Variants in PDE1C observed in about 807,000 individuals in gnomAD.
PDE1C encodes dual specificity calcium/calmodulin-dependent 3',5'-cyclic nucleotide phosphodiesterase 1C.
Under a neutral mutation model 93.1 loss-of-function variants are expected in PDE1C, and 62 were observed. That is an observed-to-expected ratio of 0.67 (90% CI 0.54 to 0.82). PDE1C has a LOEUF of 0.82. Ranked by LOEUF, PDE1C falls within the 40% of genes least tolerant of loss-of-function variation. The pLI is 0.00. For missense variants in PDE1C, 742 were observed against 884.6 expected (o/e 0.84, Z 2.04); for synonymous variants, 325 against 310.1 (o/e 1.05, Z -0.50).
intron 10 of PDE1C, 57 bp from the exon 11 acceptor site, chr7:31,837,357 G>T: frequency 1.4e-6 from 2 of 1,461,860 alleles, no homozygotes. Flanking sequence ...ACCTCAGTAA[G>T]AGTTTTTTAA....
chr7:31,967,553 C>G (rs903268756), intron 2 of PDE1C, among the ~76,000 whole-genome samples: 1 of 152,206 alleles, frequency 6.6e-6, no homozygotes, highest in Non-Finnish European at 1.5e-5. Flanking sequence ...TGGTACCATT[C>G]CTTCTAAAAC....
At position 31,892,457 on chromosome 7, in the gene PDE1C, A is replaced by G. The variant is rs530112848; in HGVS notation, c.129-11597T>C. On this transcript the variant is annotated intron_variant, in intron 2 of 17. Coordinates refer to ENST00000396191, the MANE Select transcript of PDE1C (RefSeq NM_001191057.4). ...ACTTTACTAAAGGCTCACTAATTAC[A>G]CCTCTACTGGCAGTGATCCCCTGGG... Among the ~76,000 whole-genome samples the G allele has an allele frequency of 5.9e-5, 9 of 152,150 alleles. No homozygotes were observed. In the East Asian group the frequency reaches 1.2e-3, roughly 20 times the overall value.
intron 3 of PDE1C, among the ~76,000 whole-genome samples, chr7:32,107,599 G>T (rs1798395348): frequency 6.6e-6 from 1 of 152,068 alleles, no homozygotes; most frequent in Non-Finnish European, 1.5e-5. Context: ...TTTCTCAGAT[G>T]AACAAAAACC....
At chr7:31,722,169 A>G in the PDE1C span, among the ~76,000 whole-genome samples, 2 of 151,718 alleles carry the variant, frequency 1.3e-5, no homozygotes, top group Non-Finnish European at 2.9e-5. Context: ...ACCCCTGGTG[A>G]GCTTAGCTAC....
At chr7:32,206,049 T>C (rs1223120633) in intron 2 of PDE1C, among the ~76,000 whole-genome samples, 1 of 152,008 alleles carries the variant, frequency 6.6e-6, no homozygotes, top group Non-Finnish European at 1.5e-5. Flanking sequence ...AGGATCAAGG[T>C]GTGGAAAATG....
At chr7:32,014,571 G>A (rs546728568) in intron 2 of PDE1C, among the ~76,000 whole-genome samples, 1 of 152,052 alleles carries the variant, frequency 6.6e-6, no homozygotes, top group Non-Finnish European at 1.5e-5. Flanking sequence ...TGTCATCTAG[G>A]TTTTCAGCCC....
At chr7:32,420,124 T>TATAC (rs1207972839) in intron 1 of PDE1C, among the ~76,000 whole-genome samples, 162 of 13,072 alleles carry the variant, frequency 0.012, 22 homozygotes, top group East Asian at 0.017. Flanking sequence ...TATATATATA[T>TATAC]ACACACACAC....
intron 7 of PDE1C, among the ~76,000 whole-genome samples, chr7:31,852,544 G>A (rs1159444833): frequency 6.6e-6 from 1 of 152,106 alleles, no homozygotes; most frequent in Admixed American, 6.5e-5. Context: ...CATGTGGCAG[G>A]CACTATGCTA....
rs548355153 is a variant in PDE1C, at chr7:31,757,603, T to C, written c.1961-4050A>G. Among the ~76,000 whole-genome samples the C allele has an allele frequency of 3.7e-3, 569 of 152,264 alleles. 6 individuals carry two copies. Among genetic ancestry groups the C allele is most frequent in the Admixed American group, 8.4e-3 (129 of 15,290 alleles). ...AAATCAAAACCACAATGAGATACCA[T>C]CTCACACCAGTTAGAATGGCGATCA... On this transcript the variant is annotated intron_variant, in intron 17 of 17. Coordinates refer to ENST00000396191, the MANE Select transcript of PDE1C (RefSeq NM_001191057.4).
intron 2 of PDE1C, among the ~76,000 whole-genome samples, chr7:32,193,229 C>T (rs7799022): frequency 0.038 from 5,750 of 152,146 alleles, 371 homozygotes; most frequent in African/African-American, 0.13. Flanking sequence ...TTGCCTTGTT[C>T]TCATTTTTAA....
At chr7:32,066,618 C>A in intron 1 of PDE1C, among the ~76,000 whole-genome samples, 1 of 152,044 alleles carries the variant, frequency 6.6e-6, no homozygotes, top group East Asian at 1.9e-4. Context: ...GGTCGGGACC[C>A]AAGGTACAGT....
chr7:31,629,989 A>AAC, the PDE1C span, among the ~76,000 whole-genome samples: 8 of 152,066 alleles, frequency 5.3e-5, no homozygotes, highest in Non-Finnish European at 1.0e-4. Context: ...AAAGAGAAGA[A>AAC]ACACACACAC....
chr7:32,359,362 C>G (rs215699), intron 1 of PDE1C, among the ~76,000 whole-genome samples: 93,444 of 152,042 alleles, frequency 0.61, 29,991 homozygotes, highest in Admixed American at 0.75. Flanking sequence ...GTCTGGCTCT[C>G]GTTCTCCTTA....
At chr7:31,687,538 G>C in the PDE1C span, among the ~76,000 whole-genome samples, 1 of 152,216 alleles carries the variant, frequency 6.6e-6, no homozygotes, top group Non-Finnish European at 1.5e-5. Flanking sequence ...CATTTGCAAA[G>C]TTTCAAGATG....
intron 2 of PDE1C, among the ~76,000 whole-genome samples, chr7:31,899,388 T>G (rs542247292): frequency 6.6e-6 from 1 of 152,066 alleles, no homozygotes; most frequent in African/African-American, 2.4e-5. Context: ...TCCACCCTCC[T>G]TGGCCTCCCA....
intron 2 of PDE1C, among the ~76,000 whole-genome samples, chr7:32,206,567 C>T (rs1805551207): frequency 6.6e-6 from 1 of 152,182 alleles, no homozygotes; most frequent in African/African-American, 2.4e-5. Flanking sequence ...TCCAGGAGCT[C>T]CTCACCAAGT....
chr7:31,652,776 A>T, the PDE1C span: 3 of 1,613,658 alleles, frequency 1.9e-6, no homozygotes, highest in Non-Finnish European at 2.5e-6. Context: ...GTTAGGTCCA[A>T]CCCCTTTGTC....
chr7:31,886,929 T>TAG lies in PDE1C; in HGVS notation c.129-6071_129-6070dup, dbSNP rs374130164. On this transcript the variant is annotated intron_variant, in intron 2 of 17. Coordinates refer to ENST00000396191, the MANE Select transcript of PDE1C (RefSeq NM_001191057.4). ...GAAGAAGGTAGGAACTACACCACAG[T>TAG]AGACTTAGAATCTCAAGCTAAAGAA... Among the ~76,000 whole-genome samples the TAG allele has an allele frequency of 6.6e-3, 195 of 29,540 alleles. 1 individual carries two copies. Among genetic ancestry groups the TAG allele is most frequent in the African/African-American group, 0.021 (185 of 8,676 alleles). 19.4% of individuals were successfully genotyped at this position (29,540 alleles called of 152,430 possible). A position where few individuals can be genotyped will look rare whatever the true frequency, so the allele number is the denominator to read the frequency against.
At chr7:31,918,495 G>C (rs1315516887) in intron 2 of PDE1C, among the ~76,000 whole-genome samples, 1 of 152,152 alleles carries the variant, frequency 6.6e-6, no homozygotes, top group African/African-American at 2.4e-5. Flanking sequence ...TTGAGGAGGT[G>C]ATCTGGAAAT....
Sources: gnomAD v4.1 joint callset for allele counts (sites outside exome capture counted in the v4.1 genomes callset) on GRCh38, gnomAD v4.1.1 for gene constraint, MANE v1.5 for transcripts, NCBI Gene and HGNC (gene_info 2026-07-23, HGNC 2026-07-21) for gene names.